KCNS3: variants seen among roughly 807,000 people sequenced by gnomAD.
KCNS3 encodes potassium voltage-gated channel modifier subfamily S member 3.
A neutral mutation model predicts 31.0 loss-of-function variants in KCNS3; 13 were observed. That is an observed-to-expected ratio of 0.42 (90% CI 0.27 to 0.67). The LOEUF is 0.67. Among genes scored for constraint, KCNS3 ranks in the 30% least tolerant of loss-of-function variants. The pLI is 0.25. For missense variants in KCNS3, 545 were observed against 622.4 expected, an observed-to-expected ratio of 0.88 and a Z score of 1.32; for synonymous variants, 238 against 241.5, an observed-to-expected ratio of 0.99 and a Z score of 0.13.
chr2:17,889,211 T>C (rs573574652), intron 1 of KCNS3, among the ~76,000 whole-genome samples: 1 of 152,164 alleles, frequency 6.6e-6, no homozygotes, highest in Admixed American at 6.5e-5. Context: ...GTTGAGTTCT[T>C]GATTTGATTC....
At chr2:17,887,912 C>G (rs1390005488) in intron 1 of KCNS3, among the ~76,000 whole-genome samples, 1 of 152,036 alleles carries the variant, frequency 6.6e-6, no homozygotes, top group African/African-American at 2.4e-5. Context: ...TATTTCATTT[C>G]CCTGATCATT....
chr2:17,926,707 C>T (rs1470022363), intron 2 of KCNS3, among the ~76,000 whole-genome samples: 1 of 152,250 alleles, frequency 6.6e-6, no homozygotes, highest in African/African-American at 2.4e-5. Flanking sequence ...TGCAAGGCTG[C>T]ACAGAGCAGC....
At position 17,904,177 on chromosome 2, in the gene KCNS3, T is replaced by A. The variant is rs551167130; in HGVS notation, c.-251-13503T>A. ...TAACTGGTGTGAGATGGTATCTCATTGTGGTTTTGATTTGTATTTCTCTGA... is the reference window on the plus strand; with the variant it reads ...TAACTGGTGTGAGATGGTATCTCATAGTGGTTTTGATTTGTATTTCTCTGA... On this transcript the variant is annotated intron_variant, in intron 1 of 2. Transcript: ENST00000304101. Among the ~76,000 whole-genome samples, 3 of 152,378 alleles carry A rather than the reference T, an allele frequency of 2.0e-5. No individual in the cohort carries two copies. In the South Asian group the frequency reaches 6.2e-4, roughly 32 times the overall value.
chr2:17,898,537 G>GA (rs1272174281), intron 1 of KCNS3, among the ~76,000 whole-genome samples: 1 of 152,040 alleles, frequency 6.6e-6, no homozygotes, highest in African/African-American at 2.4e-5. Context: ...ATAGCCATCT[G>GA]AAAAAATTAC....
Position 17,931,104 on chromosome 2 carries a change from C to T in KCNS3, c.96C>T (p.Thr32=). 6.2e-7 allele frequency: 1 copy of T among 1,614,166 alleles called. No homozygotes were observed. Among genetic ancestry groups the T allele is most frequent in the East Asian group, 2.2e-5 (1 of 44,878 alleles). ...GGFKQSVDQS[T]LLRFPHTRLG... is the part of the protein sequence containing the mutation. ...TTAAGCAGTCTGTTGACCAAAGCACCCTCCTGCGGTTTCCTCACACCAGAC... is the reference window on the plus strand; with the variant it reads ...TTAAGCAGTCTGTTGACCAAAGCACTCTCCTGCGGTTTCCTCACACCAGAC... Residue 32 remains threonine, a synonymous_variant, in exon 3 of 3, where the codon ACC becomes ACT. Coordinates refer to ENST00000304101, the MANE Select transcript of KCNS3 (RefSeq NM_002252.5). This position sits in a 1 kb window ranked among gnomAD's most constrained non-coding sequence, Gnocchi z 5.4.
At chr2:17,895,756 A>C (rs1009431821) in intron 1 of KCNS3, among the ~76,000 whole-genome samples, 1 of 152,176 alleles carries the variant, frequency 6.6e-6, no homozygotes. Context: ...AAGAGGCGAC[A>C]TTTGGACTGA....
chr2:17,920,140 G>C (rs1163693522), intron 2 of KCNS3, among the ~76,000 whole-genome samples: 1 of 152,132 alleles, frequency 6.6e-6, no homozygotes, highest in Admixed American at 6.5e-5. Context: ...GCTGAAAATG[G>C]TGTATTTTTT....
Position 17,897,358 on chromosome 2 carries a change from A to G in KCNS3, c.-252+18552A>G, listed in dbSNP as rs117867928. 1.2e-3 allele frequency among the ~76,000 whole-genome samples: 187 copies of G among 152,326 alleles called. 2 individuals are homozygous for G. In the East Asian group the frequency reaches 0.035, roughly 28 times the overall value. Reference sequence around the variant, plus strand: ...GTGATTAGACCATGAAGAACATACAAATGCATGCGTCTTTTTGGTAGAATG... The same window carrying G: ...GTGATTAGACCATGAAGAACATACAGATGCATGCGTCTTTTTGGTAGAATG... On this transcript the variant is annotated intron_variant, in intron 1 of 2. Transcript: ENST00000304101.
At chr2:17,895,230 A>G (rs372208129) in intron 1 of KCNS3, among the ~76,000 whole-genome samples, 1 of 152,072 alleles carries the variant, frequency 6.6e-6, no homozygotes, top group East Asian at 1.9e-4. Context: ...TTTTAACCTC[A>G]TGAAGTAAAT....
intron 1 of KCNS3, among the ~76,000 whole-genome samples, chr2:17,894,331 A>C (rs75237251): frequency 1.3e-5 from 2 of 152,210 alleles, no homozygotes; most frequent in South Asian, 4.2e-4. Flanking sequence ...GGGGCCACAC[A>C]CTTGCACCAC....
intron 1 of KCNS3, chr2:17,879,588 C>A (rs1424563801): frequency 1.3e-5 from 2 of 152,084 alleles, no homozygotes; most frequent in African/African-American, 2.4e-5. Context: ...TCCTGAGGCA[C>A]CTTGGCTAGC....
At chr2:17,924,965 G>A (rs1413120882) in intron 2 of KCNS3, among the ~76,000 whole-genome samples, 2 of 152,168 alleles carry the variant, frequency 1.3e-5, no homozygotes, top group Non-Finnish European at 2.9e-5. Flanking sequence ...CTGTACATGA[G>A]CTTTCCATAT....
At chr2:17,907,307 G>T (rs535229086) in intron 1 of KCNS3, among the ~76,000 whole-genome samples, 5 of 152,248 alleles carry the variant, frequency 3.3e-5, no homozygotes, top group South Asian at 2.1e-4. Flanking sequence ...CTTTCCATTT[G>T]CTTGGTAGAT....
chr2:17,903,529 C>T (rs1413663492), intron 1 of KCNS3, among the ~76,000 whole-genome samples: 1 of 152,054 alleles, frequency 6.6e-6, no homozygotes, highest in Non-Finnish European at 1.5e-5. Context: ...CATATGTATA[C>T]ATGTGCCATG....
In KCNS3 at chr2:17,931,632, G is replaced by A. The variant is rs140824188; in HGVS notation, c.624G>A (p.Ser208=). The A allele has an allele frequency of 7.4e-6, 12 of 1,614,072 alleles. No homozygotes were observed. Among genetic ancestry groups the A allele is most frequent in the Middle Eastern group, 1.6e-4 (1 of 6,084 alleles). ...SIVAMCVHSM[S]EFQNEDGEVD... The stretch of plus-strand genomic sequence containing the variant: ...TGGCCATGTGCGTTCACAGCATGTC[G>A]GAGTTCCAGAATGAGGATGGAGAAG... Residue 208 remains serine, a synonymous_variant, in exon 3 of 3, where the codon TCG becomes TCA. Coordinates refer to ENST00000304101, the MANE Select transcript of KCNS3 (RefSeq NM_002252.5). The surrounding 1 kb of genome is among the most constrained non-coding windows in gnomAD (Gnocchi z 5.4).
At chr2:17,880,922 A>G (rs1010140351) in intron 1 of KCNS3, among the ~76,000 whole-genome samples, 3 of 152,162 alleles carry the variant, frequency 2.0e-5, no homozygotes, top group Admixed American at 6.5e-5. Context: ...TGTGTCTGGC[A>G]TTTGCCATTG....
chr2:17,881,828 C>T (rs1674650341), intron 1 of KCNS3, among the ~76,000 whole-genome samples: 1 of 152,160 alleles, frequency 6.6e-6, no homozygotes, highest in Non-Finnish European at 1.5e-5. Flanking sequence ...TTTTGGGTCC[C>T]ATGTCTCAGC....
chr2:17,932,565 A>G lies in KCNS3; in HGVS notation c.*81A>G. ...CTTTATAAACCTCAGTGGGTTCGTT[A>G]AAATCATTTAATTCTCAGGGTGTAC... On this transcript the variant is annotated 3_prime_UTR_variant, in exon 3 of 3. Coordinates refer to ENST00000304101, the MANE Select transcript of KCNS3 (RefSeq NM_002252.5). 2 of 1,405,562 alleles carry G rather than the reference A, an allele frequency of 1.4e-6. No homozygotes were observed. Among genetic ancestry groups the G allele is most frequent in the Non-Finnish European group, 1.9e-6 (2 of 1,035,462 alleles). 87.1% of individuals were successfully genotyped at this position (1,405,562 alleles called of 1,614,324 possible).
intron 1 of KCNS3, among the ~76,000 whole-genome samples, chr2:17,892,888 G>A (rs754039081): frequency 2.8e-4 from 42 of 152,202 alleles, no homozygotes; most frequent in Non-Finnish European, 5.1e-4. Flanking sequence ...GTGGTTTAAT[G>A]CTCTATTTTT....
Sources: gnomAD v4.1 joint callset for allele counts (sites outside exome capture counted in the v4.1 genomes callset) on GRCh38, gnomAD v4.1.1 for gene constraint, Gnocchi (gnomAD v3.1) non-coding constraint, MANE v1.5 for transcripts, NCBI Gene and HGNC (gene_info 2026-07-23, HGNC 2026-07-21) for gene names.